Variants in ZNF804B observed in about 807,000 individuals in gnomAD.
ZNF804B encodes zinc finger 804B.
Under a neutral mutation model 101.4 loss-of-function variants are expected in ZNF804B, and 80 were observed. That is an observed-to-expected ratio of 0.79 (90% CI 0.66 to 0.95). ZNF804B has a LOEUF of 0.95. Among genes scored for constraint, ZNF804B ranks in the 40% least tolerant of loss-of-function variants. The pLI, the probability that ZNF804B is intolerant of heterozygous loss-of-function variation, is 0.00. For missense variants in ZNF804B, 1,673 were observed against 1,561.9 expected (o/e 1.07, Z -1.20); for synonymous variants, 622 against 558.8 (o/e 1.11, Z -1.59).
chr7:89,219,985 G>GCACACACATATATACATATATA (rs1562920175), intron 2 of ZNF804B, among the ~76,000 whole-genome samples: 5 of 91,108 alleles, frequency 5.5e-5, no homozygotes, highest in African/African-American at 1.8e-4. Flanking sequence ...ATATACATAT[G>GCACACACATATATACATATATA]TGTGCATATA....
intron 1 of ZNF804B, among the ~76,000 whole-genome samples, chr7:88,915,845 T>C (rs1792625578): frequency 6.6e-6 from 1 of 151,394 alleles, no homozygotes; most frequent in South Asian, 2.1e-4. Context: ...AAGGATAGTG[T>C]AACAATATCT....
At chr7:89,295,692 T>C (rs937735339) in intron 2 of ZNF804B, among the ~76,000 whole-genome samples, 18 of 152,064 alleles carry the variant, frequency 1.2e-4, no homozygotes, top group Admixed American at 1.1e-3. Context: ...GATCTCAAGG[T>C]CCTAAAAATA....
At chr7:88,836,664 A>C (rs1791219185) in intron 1 of ZNF804B, among the ~76,000 whole-genome samples, 2 of 151,948 alleles carry the variant, frequency 1.3e-5, no homozygotes, top group Non-Finnish European at 2.9e-5. Flanking sequence ...GTTGATCAAC[A>C]TTCTACTGAA....
intron 2 of ZNF804B, among the ~76,000 whole-genome samples, chr7:89,234,887 G>A (rs917636701): frequency 6.6e-6 from 1 of 151,934 alleles, no homozygotes; most frequent in Non-Finnish European, 1.5e-5. Flanking sequence ...GGCTTCTCTG[G>A]TTCTCCACCT....
chr7:89,056,085 G>A (rs1318395737), intron 1 of ZNF804B, among the ~76,000 whole-genome samples: 1 of 152,106 alleles, frequency 6.6e-6, no homozygotes, highest in Non-Finnish European at 1.5e-5. Flanking sequence ...GACAAGGTTA[G>A]AGGAGCATTG....
intron 1 of ZNF804B, among the ~76,000 whole-genome samples, chr7:88,850,334 G>T (rs1791434596): frequency 6.6e-6 from 1 of 152,202 alleles, no homozygotes; most frequent in Admixed American, 6.5e-5. Context: ...GGAATACAAG[G>T]TGGCTAAAGT....
intron 2 of ZNF804B, among the ~76,000 whole-genome samples, chr7:89,229,002 G>A (rs1160109394): frequency 6.6e-6 from 1 of 151,808 alleles, no homozygotes; most frequent in Non-Finnish European, 1.5e-5. Context: ...GTGCCGGCGG[G>A]GCCGGCCGGC....
At chr7:89,327,233 G>T in intron 2 of ZNF804B, 111 bp from the exon 3 acceptor site, 2 of 995,360 alleles carry the variant, frequency 2.0e-6, no homozygotes, top group Non-Finnish European at 2.8e-6. Flanking sequence ...TACTCTTTCT[G>T]CCCAGAAAGT....
At chr7:88,776,095 G>A (rs1790136328) in intron 1 of ZNF804B, among the ~76,000 whole-genome samples, 1 of 152,118 alleles carries the variant, frequency 6.6e-6, no homozygotes, top group Admixed American at 6.5e-5. Context: ...GTTCACTTGT[G>A]GTGTTACTTG....
intron 1 of ZNF804B, among the ~76,000 whole-genome samples, chr7:88,762,860 T>C (rs1045284488): frequency 2.0e-5 from 3 of 152,186 alleles, no homozygotes; most frequent in Non-Finnish European, 4.4e-5. Context: ...ACTTCAACTT[T>C]GGTCTTTGCC....
intron 1 of ZNF804B, among the ~76,000 whole-genome samples, chr7:88,978,014 T>C (rs1047979860): frequency 8.6e-5 from 13 of 151,852 alleles, no homozygotes; most frequent in African/African-American, 2.9e-4. Flanking sequence ...ACATATTGTT[T>C]AATTTTCATG....
chr7:89,054,074 G>T lies in ZNF804B; in HGVS notation c.109-164081G>T, dbSNP rs965538501. On this transcript the variant is annotated intron_variant, in intron 1 of 3. Coordinates refer to ENST00000333190, the MANE Select transcript of ZNF804B (RefSeq NM_181646.5). Reference sequence around the variant, plus strand: ...AAATGTGGTTATTTGTCTTAAAATTGTTCACCAAATTTCATGTGGAATTCT... The same window carrying T: ...AAATGTGGTTATTTGTCTTAAAATTTTTCACCAAATTTCATGTGGAATTCT... 2.6e-5 allele frequency among the ~76,000 whole-genome samples: 4 copies of T among 151,720 alleles called. No homozygotes were observed. The East Asian group carries it at 5.8e-4, about 22-fold the overall frequency.
intron 2 of ZNF804B, among the ~76,000 whole-genome samples, chr7:89,268,224 GAC>G (rs202080243): frequency 0.017 from 2,648 of 152,140 alleles, 42 homozygotes; most frequent in South Asian, 0.033. Context: ...CCTATCAACA[GAC>G]ACACACAAAT....
At chr7:88,775,975 A>G (rs762893257) in intron 1 of ZNF804B, among the ~76,000 whole-genome samples, 16 of 152,194 alleles carry the variant, frequency 1.1e-4, no homozygotes, top group Non-Finnish European at 1.9e-4. Flanking sequence ...TGTACTAAGT[A>G]CAGAGAGGTG....
intron 1 of ZNF804B, among the ~76,000 whole-genome samples, chr7:88,804,183 G>T (rs1448292980): frequency 6.6e-6 from 1 of 152,142 alleles, no homozygotes; most frequent in African/African-American, 2.4e-5. Flanking sequence ...AGGAGAATAA[G>T]TGGTCAGAGG....
intron 1 of ZNF804B, among the ~76,000 whole-genome samples, chr7:89,173,956 G>A (rs563450988): frequency 6.6e-6 from 1 of 151,774 alleles, no homozygotes; most frequent in East Asian, 1.9e-4. Flanking sequence ...AATTTTTACA[G>A]GTACTTAGTA....
At chr7:89,168,616 G>A (rs1273256766) in intron 1 of ZNF804B, among the ~76,000 whole-genome samples, 1 of 149,608 alleles carries the variant, frequency 6.7e-6, no homozygotes, top group Non-Finnish European at 1.5e-5. Flanking sequence ...ATTGTAAGAT[G>A]ATACACACAG....
chr7:88,881,693 A>G (rs1195675812), intron 1 of ZNF804B, among the ~76,000 whole-genome samples: 4 of 152,172 alleles, frequency 2.6e-5, no homozygotes, highest in Non-Finnish European at 4.4e-5. Context: ...ATAAATTAGT[A>G]AACTTGTTTC....
intron 1 of ZNF804B, among the ~76,000 whole-genome samples, chr7:88,919,209 A>G (rs1194355366): frequency 6.6e-6 from 1 of 152,148 alleles, no homozygotes; most frequent in Non-Finnish European, 1.5e-5. Context: ...TATTCATGTA[A>G]ACCATTGATG....
Sources: gnomAD v4.1 joint callset for allele counts (sites outside exome capture counted in the v4.1 genomes callset) on GRCh38, gnomAD v4.1.1 for gene constraint, MANE v1.5 for transcripts, NCBI Gene and HGNC (gene_info 2026-07-23, HGNC 2026-07-21) for gene names.